The following ABCG1 variants were observed in gnomAD, a reference collection of about 807,000 sequenced individuals.
The protein encoded by ABCG1 is ATP binding cassette subfamily G member 1.
A neutral mutation model predicts 69.2 loss-of-function variants in ABCG1; 29 were observed. That is an observed-to-expected ratio of 0.42 (90% CI 0.31 to 0.57). The LOEUF is 0.57. Among genes scored for constraint, ABCG1 ranks in the 20% least tolerant of loss-of-function variants. The probability of loss-of-function intolerance (pLI) is 0.15; values close to 1 mark genes in which losing one functional copy is unlikely to be tolerated. For synonymous variants in ABCG1, 370 were observed against 374.8 expected, an observed-to-expected ratio of 0.99 and a Z score of 0.15; for missense variants, 718 against 898.1, an observed-to-expected ratio of 0.80 and a Z score of 2.56.
chr21:42,208,069 C>A (rs928547577), intron 2 of ABCG1, among the ~76,000 whole-genome samples: 1 of 152,134 alleles, frequency 6.6e-6, no homozygotes, highest in African/African-American at 2.4e-5. Context: ...ATCTGAACTC[C>A]CCACTCTTTC....
intron 2 of ABCG1, among the ~76,000 whole-genome samples, chr21:42,210,931 G>A (rs1177570453): frequency 6.6e-6 from 1 of 151,940 alleles, no homozygotes; most frequent in African/African-American, 2.4e-5. Flanking sequence ...AACAAACAGT[G>A]GAGATTAAGC....
chr21:42,219,319 C>A lies in ABCG1; in HGVS notation c.42+15C>A. ...GCACCGCCATGGTGAGTGAGCGCATCCTTCGTCCGCCGGGAACGGTTTTAT... is the reference window on the plus strand; with the variant it reads ...GCACCGCCATGGTGAGTGAGCGCATACTTCGTCCGCCGGGAACGGTTTTAT... On this transcript the variant is annotated intron_variant, in intron 1 of 14. Transcript: ENST00000398449. The surrounding 1 kb of genome is among the most constrained non-coding windows in gnomAD (Gnocchi z 5.3). 4.4e-6 allele frequency: 7 copies of A among 1,597,632 alleles called. No individual in the cohort carries two copies. Among genetic ancestry groups the A allele is most frequent in the Non-Finnish European group, 6.0e-6 (7 of 1,175,082 alleles).
chr21:42,240,878 A>T (rs943392461), intron 2 of ABCG1, among the ~76,000 whole-genome samples: 1 of 152,264 alleles, frequency 6.6e-6, no homozygotes, highest in Admixed American at 6.5e-5. Context: ...GTCCATCTTC[A>T]GGGAGAGTAA....
intron 2 of ABCG1, chr21:42,260,229 G>A (rs1397804523): frequency 2.0e-6 from 3 of 1,533,750 alleles, no homozygotes; most frequent in East Asian, 4.9e-5. Context: ...CCCTGCAGGT[G>A]GCATTGGGCG....
intron 2 of ABCG1, among the ~76,000 whole-genome samples, chr21:42,252,956 T>C (rs1345363918): frequency 1.3e-5 from 2 of 152,078 alleles, no homozygotes; most frequent in East Asian, 1.9e-4. Context: ...AGAAGTTTCA[T>C]GGCAGCAGCT....
intron 1 of ABCG1, among the ~76,000 whole-genome samples, chr21:42,220,229 G>T (rs1044008929): frequency 6.6e-6 from 1 of 152,172 alleles, no homozygotes; most frequent in Admixed American, 6.5e-5. Flanking sequence ...AAAGTCTTCC[G>T]TATTCCACGC....
At chr21:42,228,602 C>T (rs1047815908) in intron 2 of ABCG1, among the ~76,000 whole-genome samples, 3 of 152,230 alleles carry the variant, frequency 2.0e-5, no homozygotes, top group Admixed American at 2.0e-4. Flanking sequence ...GGGATGAGGA[C>T]AGCAATTTCT....
At chr21:42,217,280 G>A (rs138874288), upstream of ABCG1, among the ~76,000 whole-genome samples, 7 of 152,318 alleles carry the variant, frequency 4.6e-5, no homozygotes, top group Non-Finnish European at 1.0e-4. Context: ...CACATTCCTG[G>A]AAGTGAGGAG....
At chr21:42,201,296 C>T (rs968252481) in intron 1 of ABCG1, among the ~76,000 whole-genome samples, 1 of 151,590 alleles carries the variant, frequency 6.6e-6, no homozygotes, top group Admixed American at 6.6e-5. Flanking sequence ...TTTAGATTCT[C>T]ATTAGAAGCG....
intron 2 of ABCG1, among the ~76,000 whole-genome samples, chr21:42,230,655 G>A (rs965999673): frequency 6.6e-6 from 1 of 152,210 alleles, no homozygotes; most frequent in African/African-American, 2.4e-5. Flanking sequence ...TGCTTTCAGA[G>A]CCCATTCACA....
At chr21:42,217,202 G>A (rs142987657), upstream of ABCG1, among the ~76,000 whole-genome samples, 29 of 152,242 alleles carry the variant, frequency 1.9e-4, no homozygotes, top group Admixed American at 6.5e-4. Context: ...AATCAATCCC[G>A]CATAAATCTT....
intron 2 of ABCG1, among the ~76,000 whole-genome samples, chr21:42,239,935 T>G (rs1314167026): frequency 6.6e-6 from 1 of 152,230 alleles, no homozygotes; most frequent in African/African-American, 2.4e-5. Context: ...TTGGTCATTT[T>G]TGGGTGTCTG....
At chr21:42,212,370 G>A (rs978845428), upstream of ABCG1, among the ~76,000 whole-genome samples, 1 of 152,152 alleles carries the variant, frequency 6.6e-6, no homozygotes, top group Non-Finnish European at 1.5e-5. Context: ...CCTAGTGAGG[G>A]CTGAGAAGAA....
At chr21:42,221,915 A>T (rs1336190817) in intron 1 of ABCG1, among the ~76,000 whole-genome samples, 1 of 152,190 alleles carries the variant, frequency 6.6e-6, no homozygotes, top group Non-Finnish European at 1.5e-5. Flanking sequence ...CTAAACAGGC[A>T]TCTCTATCTG....
chr21:42,209,624 G>A lies in ABCG1; in HGVS notation c.48+7901G>A, dbSNP rs112223239. On this transcript the variant is annotated intron_variant, in intron 2 of 15. Coordinates refer to the ABCG1 transcript ENST00000398457. ...TGACTTTTAACTTCCTTGTCAAACT[G>A]ATGATCGTAATCAAGACTTCTTAGC... 2.6e-5 allele frequency among the ~76,000 whole-genome samples: 4 copies of A among 152,320 alleles called. 1 individual carries two copies. Among genetic ancestry groups the A allele is most frequent in the African/African-American group, 9.6e-5 (4 of 41,572 alleles).
chr21:42,268,143 A>G (rs1233992845), intron 2 of ABCG1, among the ~76,000 whole-genome samples: 5 of 152,176 alleles, frequency 3.3e-5, no homozygotes. Flanking sequence ...CCCAGCCAGA[A>G]AAACAGTGGA....
chr21:42,235,658 A>G (rs1027061394), intron 2 of ABCG1, among the ~76,000 whole-genome samples: 2 of 152,230 alleles, frequency 1.3e-5, no homozygotes, highest in African/African-American at 4.8e-5. Flanking sequence ...TATTATCGAT[A>G]GAAAGGGATG....
intron 2 of ABCG1, 105 bp downstream of exon 2, chr21:42,226,019 C>CATG: frequency 7.6e-7 from 1 of 1,316,810 alleles, no homozygotes; most frequent in Non-Finnish European, 1.0e-6. Context: ...GGCTGAGCTT[C>CATG]TCTTCCCAAC....
upstream of ABCG1, among the ~76,000 whole-genome samples, chr21:42,217,823 C>G (rs4919978): frequency 0.14 from 20,766 of 150,892 alleles, 1,684 homozygotes; most frequent in East Asian, 0.24. Flanking sequence ...TACATAGTAG[C>G]TGGGACTACA....
Sources: allele counts gnomAD v4.1 joint callset (sites outside exome capture counted in the v4.1 genomes callset), GRCh38; gene constraint gnomAD v4.1.1; non-coding constraint Gnocchi (gnomAD v3.1); transcripts MANE v1.5; gene names NCBI Gene and HGNC (gene_info 2026-07-23, HGNC 2026-07-21).